The following PPIP5K2 variants were observed in gnomAD, a reference collection of about 807,000 sequenced individuals.
PPIP5K2 encodes inositol hexakisphosphate and diphosphoinositol-pentakisphosphate kinase 2.
PPIP5K2 carries 105 observed loss-of-function variants against 154.6 expected under a neutral mutation model. That is an observed-to-expected ratio of 0.68 (90% CI 0.58 to 0.80). The LOEUF (loss-of-function observed/expected upper bound fraction) is 0.80. PPIP5K2 is among the 30% of genes least tolerant of loss of function. PPIP5K2 has a pLI of 0.00. For synonymous variants in PPIP5K2, 480 were observed against 490.3 expected (o/e 0.98, Z 0.28); for missense variants, 992 against 1,504.6 (o/e 0.66, Z 5.64).
intron 21 of PPIP5K2, among the ~76,000 whole-genome samples, chr5:103,175,442 T>C (rs1798564759): frequency 1.3e-5 from 2 of 152,062 alleles, no homozygotes; most frequent in South Asian, 2.1e-4. Flanking sequence ...TCCAGTAGTA[T>C]TGATGGAATT....
Position 103,207,499 on chromosome 5 carries a change from A to C in PPIP5K2, c.*5865A>C, listed in dbSNP as rs1803582661. The C allele has an allele frequency of 6.6e-6, 1 of 152,130 alleles. No homozygotes were observed. The highest frequency in any genetic ancestry group is 1.5e-5 in the Non-Finnish European group (1 of 68,012). The allele number at this position is 152,130 out of a possible 1,614,324, so 9.4% of individuals were successfully genotyped here. On this transcript the variant is annotated 3_prime_UTR_variant, in exon 31 of 31. Coordinates refer to ENST00000358359, the MANE Select transcript of PPIP5K2 (RefSeq NM_001276277.3). ...ATACTACACTTGCATTATGTTATTCACATTTGCTATAGTTCACTTGTTGTG... is the reference window on the plus strand; with the variant it reads ...ATACTACACTTGCATTATGTTATTCCCATTTGCTATAGTTCACTTGTTGTG...
At position 103,168,243 on chromosome 5, in the gene PPIP5K2, C is replaced by A; in HGVS notation, c.2234C>A (p.Thr745Lys). The A allele has an allele frequency of 6.2e-7, 1 of 1,609,784 alleles. No individual in the cohort carries two copies. The highest frequency in any genetic ancestry group is 8.5e-7 in the Non-Finnish European group (1 of 1,176,952). Residue 745 changes from threonine (T) to lysine (K), a missense_variant, in exon 19 of 31, where the codon ACA becomes AAA. Physicochemically the swap from Thr to Lys is moderately conservative, Grantham distance 78. Around this residue, in one of 9 missense-constraint regions of PPIP5K2, gnomAD observed 157 missense variants for 281.2 expected, o/e 0.56. Coordinates refer to ENST00000358359, the MANE Select transcript of PPIP5K2 (RefSeq NM_001276277.3). ...AATGGTTCCTTGAAATTAGAAAACA[C>A]AATGGAATTATATAGGCTTTCGAAG... ...QHNGSLKLEN[T>K]MELYRLSKAL...
At chr5:103,148,872 G>A (rs1278004232) in intron 7 of PPIP5K2, among the ~76,000 whole-genome samples, 1 of 151,760 alleles carries the variant, frequency 6.6e-6, no homozygotes, top group South Asian at 2.1e-4. Context: ...TGAGGAGAGC[G>A]ATCACATTGT....
intron 9 of PPIP5K2, 21 bp downstream of exon 9, chr5:103,151,395 C>A: frequency 1.3e-6 from 2 of 1,556,570 alleles, no homozygotes; most frequent in Non-Finnish European, 1.8e-6. Flanking sequence ...TTAAATTTTT[C>A]TTTTTACCTT....
rs551824459 is a variant in PPIP5K2 at position 103,162,472 on chromosome 5, C to T, written c.1920+3144C>T. Among the ~76,000 whole-genome samples the T allele has an allele frequency of 5.9e-5, 9 of 151,810 alleles. No individual in the cohort carries two copies. The South Asian group carries it at 1.9e-3, about 32-fold the overall frequency. ...GAAACCCCTGGGCTCAAGTGATTCT[C>T]CTGCCTCAGCCTCCTGAGTAGCTGA... On this transcript the variant is annotated intron_variant, in intron 17 of 30. Coordinates refer to ENST00000358359, the MANE Select transcript of PPIP5K2 (RefSeq NM_001276277.3).
At position 103,151,525 on chromosome 5, in the gene PPIP5K2, T is replaced by C. The variant is rs1243667819; in HGVS notation, c.1028+151T>C. The C allele has an allele frequency of 3.2e-5, 20 of 617,988 alleles. No homozygotes were observed. In the African/African-American group the frequency reaches 3.7e-4, roughly 11 times the overall value. The allele number at this position is 617,988 out of a possible 1,614,324, so 38.3% of individuals were successfully genotyped here. Reference sequence around the variant, plus strand: ...TACCCCCAGAGACTATGCCAGATCCTGAATTATACTTTGGCTTATCAAAGA... The same window carrying C: ...TACCCCCAGAGACTATGCCAGATCCCGAATTATACTTTGGCTTATCAAAGA... On this transcript the variant is annotated intron_variant, in intron 9 of 30. Coordinates refer to ENST00000358359, the MANE Select transcript of PPIP5K2 (RefSeq NM_001276277.3).
At chr5:103,154,076 G>A in intron 11 of PPIP5K2, 142 bp downstream of exon 11, 1 of 544,746 alleles carries the variant, frequency 1.8e-6, no homozygotes, top group Non-Finnish European at 3.2e-6. Context: ...CCAGTGGGTG[G>A]GTACAAAATC....
chr5:103,173,402 A>G, intron 20 of PPIP5K2, 120 bp downstream of exon 20: 1 of 1,165,308 alleles, frequency 8.6e-7, no homozygotes, highest in Non-Finnish European at 1.2e-6. Flanking sequence ...CTGTGAAAAT[A>G]GTATTACCTA....
At chr5:103,144,689 A>G (rs566286962) in intron 5 of PPIP5K2, among the ~76,000 whole-genome samples, 2 of 152,318 alleles carry the variant, frequency 1.3e-5, no homozygotes, top group African/African-American at 4.8e-5. Context: ...TGTCTTCAGT[A>G]AGTAGTGTTG....
chr5:103,191,034 C>T, intron 29 of PPIP5K2, 52 bp downstream of exon 29: 2 of 1,516,004 alleles, frequency 1.3e-6, no homozygotes, highest in Non-Finnish European at 1.8e-6. Context: ...CAACTACATA[C>T]TATCTGAGTA....
chr5:103,124,003 G>A (rs561632489), intron 1 of PPIP5K2, among the ~76,000 whole-genome samples: 23 of 152,132 alleles, frequency 1.5e-4, no homozygotes, highest in East Asian at 5.8e-4. Context: ...CATCTTGGCC[G>A]GGCGCGGTGG....
chr5:103,167,351 A>C (rs1554218240), intron 18 of PPIP5K2, 31 bp downstream of exon 18: 24 of 1,477,258 alleles, frequency 1.6e-5, no homozygotes, highest in Non-Finnish European at 1.7e-5. Context: ...GCATAGAACA[A>C]ATAAAAGTTA....
chr5:103,162,127 A>G (rs932513412), intron 17 of PPIP5K2, among the ~76,000 whole-genome samples: 1 of 152,148 alleles, frequency 6.6e-6, no homozygotes, highest in Non-Finnish European at 1.5e-5. Context: ...TCTGGTGGAT[A>G]TACCTAGAAT....
At chr5:103,200,408 A>G (rs1299784731) in intron 30 of PPIP5K2, among the ~76,000 whole-genome samples, 1 of 151,282 alleles carries the variant, frequency 6.6e-6, no homozygotes, top group African/African-American at 2.4e-5. Flanking sequence ...ATTCCATATT[A>G]TTCCCTTTTT....
chr5:103,149,437 T>G, intron 8 of PPIP5K2, 124 bp downstream of exon 8: 1 of 859,994 alleles, frequency 1.2e-6, no homozygotes, highest in Non-Finnish European at 1.7e-6. Flanking sequence ...TACATCTGAA[T>G]GGTTCATGTA....
At position 103,207,771 on chromosome 5, in the gene PPIP5K2, A is replaced by G. The variant is rs1445617633; in HGVS notation, c.*6137A>G. 1.3e-5 allele frequency: 2 copies of G among 151,772 alleles called. No individual in the cohort carries two copies. Among genetic ancestry groups the G allele is most frequent in the African/African-American group, 4.8e-5 (2 of 41,340 alleles). 9.4% of individuals were successfully genotyped at this position (151,772 alleles called of 1,614,324 possible). ...TGTTTCTGATCAACTACATTTCTTT[A>G]TGAACTCTATTTCCTTAAGTTCTTT... On this transcript the variant is annotated 3_prime_UTR_variant, in exon 31 of 31. Coordinates refer to ENST00000358359, the MANE Select transcript of PPIP5K2 (RefSeq NM_001276277.3).
At chr5:103,199,894 A>G (rs182848748) in intron 30 of PPIP5K2, among the ~76,000 whole-genome samples, 264 of 152,234 alleles carry the variant, frequency 1.7e-3, no homozygotes, top group African/African-American at 6.1e-3. Flanking sequence ...GCTGCTTTAA[A>G]ATTCTTGTCT....
rs1367732162 is a variant in PPIP5K2 at position 103,202,351 on chromosome 5, T to C, written c.*717T>C. The stretch of plus-strand genomic sequence containing the variant: ...GTGCCTTGTTCATCAGGAAAACTTT[T>C]GTTTTGTATTTTGACAAGAAAGGCA... On this transcript the variant is annotated 3_prime_UTR_variant, in exon 31 of 31. Transcript: ENST00000358359. 2 of 152,368 alleles carry C rather than the reference T, an allele frequency of 1.3e-5. No homozygotes were observed. The highest frequency in any genetic ancestry group is 2.9e-5 in the Non-Finnish European group (2 of 68,010). 9.4% of individuals were successfully genotyped at this position (152,368 alleles called of 1,614,324 possible). A position where few individuals can be genotyped will look rare whatever the true frequency, so the allele number is the denominator to read the frequency against.
At chr5:103,140,149 T>TAAA (rs5870043) in intron 5 of PPIP5K2, among the ~76,000 whole-genome samples, 11 of 145,750 alleles carry the variant, frequency 7.5e-5, no homozygotes, top group African/African-American at 2.8e-4. Flanking sequence ...GGGAAAATGT[T>TAAA]AAAAAAAAAA....
Sources: allele counts gnomAD v4.1 joint callset (sites outside exome capture counted in the v4.1 genomes callset), GRCh38; gene constraint gnomAD v4.1.1; regional missense constraint gnomAD v4.1.1; transcripts MANE v1.5; gene names NCBI Gene and HGNC (gene_info 2026-07-23, HGNC 2026-07-21).